The following ZNG1F variants were observed in gnomAD, a reference collection of about 807,000 sequenced individuals.
The protein encoded by ZNG1F is Zn regulated GTPase metalloprotein activator 1F, also known as zinc-regulated GTPase metalloprotein activator 1F.
At chr9:41,158,878 A>G in the ZNG1F span, 3 of 139,642 alleles carry the variant, frequency 2.1e-5, no homozygotes, top group African/African-American at 7.7e-5. Context: ...AAGAAAAAAA[A>G]AAAAAAGGAA....
chr9:41,187,602 T>C, the ZNG1F span, among the ~76,000 whole-genome samples: 2 of 149,570 alleles, frequency 1.3e-5, no homozygotes, highest in Non-Finnish European at 3.0e-5. Flanking sequence ...TCATTAAGGC[T>C]AACATGCAAC....
At chr9:41,175,140 T>C in the ZNG1F span, among the ~76,000 whole-genome samples, 2 of 148,388 alleles carry the variant, frequency 1.3e-5, no homozygotes, top group Non-Finnish European at 3.0e-5. Flanking sequence ...ATCAAACTCA[T>C]TCCAAAGTCT....
At chr9:41,199,819 C>A in the ZNG1F span, among the ~76,000 whole-genome samples, 13 of 152,050 alleles carry the variant, frequency 8.5e-5, no homozygotes, top group African/African-American at 3.1e-4. Flanking sequence ...CACCCGCAGG[C>A]TCAAAGCCAT....
At chr9:41,185,577 G>C in the ZNG1F span, among the ~76,000 whole-genome samples, 1 of 150,870 alleles carries the variant, frequency 6.6e-6, no homozygotes, top group African/African-American at 2.4e-5. Context: ...GGAGGCTGAG[G>C]CAGGAGAATC....
the ZNG1F span, among the ~76,000 whole-genome samples, chr9:41,180,127 C>T: frequency 4.6e-5 from 3 of 64,792 alleles, no homozygotes; most frequent in East Asian, 5.4e-4. Flanking sequence ...TTAGACAATT[C>T]TATTACACAT....
At chr9:41,131,683 T>C in the ZNG1F span, 1 of 162,092 alleles carries the variant, frequency 6.2e-6, no homozygotes, top group Non-Finnish European at 1.0e-5. Context: ...ATATACCCAG[T>C]AGAAACTTAT....
At chr9:41,183,604 A>G in the ZNG1F span, 135,234 of 1,599,408 alleles carry the variant, frequency 0.085, 12,194 homozygotes, top group East Asian at 0.17. Context: ...AGTTCCAGCC[A>G]CTCTTCATAG....
At chr9:41,185,320 C>A in the ZNG1F span, among the ~76,000 whole-genome samples, 2 of 139,714 alleles carry the variant, frequency 1.4e-5, no homozygotes, top group African/African-American at 2.7e-5. Flanking sequence ...GAAGCATTTT[C>A]AAATATTTTT....
At chr9:41,150,123 C>G in the ZNG1F span, among the ~76,000 whole-genome samples, 1 of 83,510 alleles carries the variant, frequency 1.2e-5, no homozygotes, top group African/African-American at 3.9e-5. Context: ...GTGCTCCATC[C>G]GCGAGCCAAA....
the ZNG1F span, among the ~76,000 whole-genome samples, chr9:41,201,206 A>C: frequency 3.4e-5 from 5 of 147,614 alleles, no homozygotes; most frequent in African/African-American, 1.2e-4. Flanking sequence ...ATTAACAAAA[A>C]CATGCTTGTA....
At chr9:41,137,329 G>T in the ZNG1F span, among the ~76,000 whole-genome samples, 1 of 145,506 alleles carries the variant, frequency 6.9e-6, no homozygotes, top group African/African-American at 2.5e-5. Flanking sequence ...ACTGTGGTCT[G>T]AGAAAGTGCT....
chr9:41,154,793 C>A, the ZNG1F span, among the ~76,000 whole-genome samples: 1 of 150,238 alleles, frequency 6.7e-6, no homozygotes, highest in Non-Finnish European at 1.5e-5. Context: ...GGAAAACCGG[C>A]TAGCCATATG....
chr9:41,174,085 G>A, the ZNG1F span, among the ~76,000 whole-genome samples: 1 of 146,452 alleles, frequency 6.8e-6, no homozygotes, highest in African/African-American at 2.6e-5. Flanking sequence ...AGCCAGGTAC[G>A]ATGGTGCACG....
the ZNG1F span, among the ~76,000 whole-genome samples, chr9:41,187,029 A>G: frequency 6.9e-5 from 10 of 145,414 alleles, 1 homozygote; most frequent in South Asian, 4.5e-4. Context: ...GGCCCTGAAC[A>G]TGAGTGTTTC....
chr9:41,138,787 A>G, the ZNG1F span, among the ~76,000 whole-genome samples: 2 of 96,904 alleles, frequency 2.1e-5, 1 homozygote, highest in East Asian at 5.9e-4. Flanking sequence ...AGAGCATTTT[A>G]TATTTCTATA....
chr9:41,173,526 A>G, the ZNG1F span, among the ~76,000 whole-genome samples: 8 of 145,800 alleles, frequency 5.5e-5, no homozygotes, highest in African/African-American at 1.5e-4. Flanking sequence ...AGTTTCTAAT[A>G]TATTTTAAAT....
At chr9:41,166,443 TAC>T in the ZNG1F span, among the ~76,000 whole-genome samples, 2 of 29,252 alleles carry the variant, frequency 6.8e-5, no homozygotes, top group Non-Finnish European at 2.0e-4. Flanking sequence ...ATTATTATTA[TAC>T]ATATATATAT....
chr9:41,151,623 G>C, the ZNG1F span, among the ~76,000 whole-genome samples: 2 of 151,110 alleles, frequency 1.3e-5, no homozygotes, highest in Admixed American at 6.7e-5. Flanking sequence ...TACCCTCAAA[G>C]GGAAGCCCAT....
the ZNG1F span, among the ~76,000 whole-genome samples, chr9:41,137,761 GT>G: frequency 3.1e-5 from 3 of 95,746 alleles, no homozygotes; most frequent in Non-Finnish European, 6.3e-5. Flanking sequence ...TTTCTTTAAA[GT>G]TTGTTTTGTC....
Sources: allele counts gnomAD v4.1 joint callset (sites outside exome capture counted in the v4.1 genomes callset), GRCh38; gene constraint gnomAD v4.1.1; transcripts MANE v1.5; gene names NCBI Gene and HGNC (gene_info 2026-07-23, HGNC 2026-07-21).